Variants in CERT1 observed in about 807,000 individuals in gnomAD.
CERT1 encodes the protein ceramide transfer protein.
CERT1 carries 31 observed loss-of-function variants against 87.9 expected under a neutral mutation model. The observed-to-expected ratio is 0.35, with a 90% CI of 0.27 to 0.48. The LOEUF is 0.48. Among genes scored for constraint, CERT1 ranks in the 20% least tolerant of loss-of-function variants. CERT1 has a pLI of 0.99. For missense variants in CERT1, 487 were observed against 758.0 expected, an observed-to-expected ratio of 0.64 and a Z score of 4.20; for synonymous variants, 289 against 250.9, an observed-to-expected ratio of 1.15 and a Z score of -1.44.
At chr5:75,408,460 A>T (rs953912651) in intron 8 of CERT1, among the ~76,000 whole-genome samples, 2 of 152,168 alleles carry the variant, frequency 1.3e-5, no homozygotes, top group Admixed American at 6.5e-5. Context: ...GTTCATCTGC[A>T]TCTCGTTATT....
intron 2 of CERT1, among the ~76,000 whole-genome samples, chr5:75,490,483 C>T (rs956998809): frequency 1.3e-5 from 2 of 149,878 alleles, no homozygotes; most frequent in Admixed American, 6.7e-5. Context: ...TTCTTCAACA[C>T]CTGTACGAAA....
In CERT1 at chr5:75,379,154, C is replaced by A; in HGVS notation, c.*192G>T. On this transcript the variant is annotated 3_prime_UTR_variant, in exon 17 of 17. Transcript: ENST00000643780. ...CCGTGATGGTGTCATTGCACTTCAG[C>A]TTAGGAAACAGAGCAAGACCCTGTT... The A allele has an allele frequency of 1.9e-6, 1 of 536,148 alleles. No individual in the cohort carries two copies. The highest frequency in any genetic ancestry group is 3.1e-5 in the East Asian group (1 of 31,900). The allele number at this position is 536,148 out of a possible 1,614,324, so 33.2% of individuals were successfully genotyped here. A position where few individuals can be genotyped will look rare whatever the true frequency, so the allele number is the denominator to read the frequency against.
At chr5:75,503,106 ATT>A (rs916899511) in intron 2 of CERT1, among the ~76,000 whole-genome samples, 3 of 152,032 alleles carry the variant, frequency 2.0e-5, no homozygotes, top group African/African-American at 7.2e-5. Context: ...GATAAAGAAT[ATT>A]GTTTTTATAA....
intron 3 of CERT1, among the ~76,000 whole-genome samples, chr5:75,450,006 C>T (rs1353095462): frequency 6.6e-6 from 1 of 152,180 alleles, no homozygotes; most frequent in Non-Finnish European, 1.5e-5. Flanking sequence ...TATCTTCTTT[C>T]TTCACTACTC....
chr5:75,379,446 G>A lies in CERT1; in HGVS notation c.1775C>T (p.Ser592Leu). 6.2e-7 allele frequency: 1 copy of A among 1,613,876 alleles called. No individual in the cohort carries two copies. Residue 592 changes from serine (S) to leucine (L), a missense_variant, in exon 17 of 17, where the codon TCA (serine) becomes TTA (leucine). Coordinates refer to ENST00000643780, the MANE Select transcript of CERT1 (RefSeq NM_001379029.1). ...NVNPGGWAPA[S>L]VLRAVAKREY... ...TCGCTTTGCCACTGCCCTTAACACT[G>A]AGGCTGGTGCCCATCCTCCAGGGTT...
intron 3 of CERT1, among the ~76,000 whole-genome samples, chr5:75,428,655 G>A (rs1390110884): frequency 3.5e-4 from 52 of 150,480 alleles, no homozygotes; most frequent in Admixed American, 3.3e-3. Flanking sequence ...TCTGACATGG[G>A]TGAAAGAGCG....
chr5:75,436,007 G>C (rs1160753619), intron 3 of CERT1, among the ~76,000 whole-genome samples: 5 of 152,108 alleles, frequency 3.3e-5, no homozygotes, highest in Non-Finnish European at 7.4e-5. Flanking sequence ...ATGCCAGCTG[G>C]GGCAGCGGCA....
upstream of CERT1, chr5:75,511,801 G>C: frequency 6.4e-7 from 1 of 1,551,562 alleles, no homozygotes; most frequent in Non-Finnish European, 8.7e-7. Flanking sequence ...AGCAGGAGGA[G>C]CGGAGAAAGG....
intron 2 of CERT1, among the ~76,000 whole-genome samples, chr5:75,466,477 T>C (rs1408769229): frequency 6.6e-6 from 1 of 152,202 alleles, no homozygotes; most frequent in African/African-American, 2.4e-5. Context: ...ACACGAGCTA[T>C]AATCCCCCTT....
intron 3 of CERT1, among the ~76,000 whole-genome samples, chr5:75,450,696 C>G (rs1382007086): frequency 1.3e-5 from 2 of 152,194 alleles, no homozygotes; most frequent in Admixed American, 1.3e-4. Context: ...CTTATCTTAA[C>G]CCAGCCACTT....
chr5:75,426,548 A>G lies in CERT1; in HGVS notation c.349-70T>C, dbSNP rs1763628051. 2.8e-6 allele frequency: 3 copies of G among 1,089,008 alleles called. No individual in the cohort carries two copies. The African/African-American group carries it at 4.7e-5, about 17-fold the overall frequency. 67.5% of individuals were successfully genotyped at this position (1,089,008 alleles called of 1,614,324 possible). ...TACTTGAGAAAACAAAAGGTTTCCT[A>G]TGAATTAACAAGGTTATTATAACAA... On this transcript the variant is annotated intron_variant, in intron 3 of 16. Transcript: ENST00000643780.
downstream of CERT1, chr5:75,377,442 C>T (rs931436353): frequency 6.6e-6 from 1 of 152,228 alleles, no homozygotes; most frequent in Non-Finnish European, 1.5e-5. Context: ...AATTATGACA[C>T]TGCTCTGGCA....
intron 2 of CERT1, among the ~76,000 whole-genome samples, chr5:75,478,780 C>A (rs1387478079): frequency 6.6e-6 from 1 of 151,910 alleles, no homozygotes; most frequent in Non-Finnish European, 1.5e-5. Context: ...CTCTCACCCT[C>A]TACCCCCTAT....
At chr5:75,380,023 G>A (rs1761499526) in intron 16 of CERT1, among the ~76,000 whole-genome samples, 1 of 152,112 alleles carries the variant, frequency 6.6e-6, no homozygotes, top group Non-Finnish European at 1.5e-5. Flanking sequence ...AATTAGTATA[G>A]CACCACTTAA....
intron 3 of CERT1, among the ~76,000 whole-genome samples, chr5:75,431,252 C>T (rs1429683060): frequency 6.6e-6 from 1 of 152,130 alleles, no homozygotes; most frequent in Admixed American, 6.5e-5. Flanking sequence ...TCTATTGTTT[C>T]CCTCTTTGTG....
intron 3 of CERT1, among the ~76,000 whole-genome samples, chr5:75,434,828 T>C (rs918011313): frequency 1.3e-5 from 2 of 152,072 alleles, no homozygotes; most frequent in African/African-American, 4.8e-5. Context: ...GTGGGATGAG[T>C]GGTAATGTCA....
At chr5:75,458,743 G>T (rs1440999960) in intron 3 of CERT1, among the ~76,000 whole-genome samples, 1 of 152,056 alleles carries the variant, frequency 6.6e-6, no homozygotes, top group African/African-American at 2.4e-5. Context: ...GTAGAAAAGG[G>T]ATTTCACCAT....
intron 1 of CERT1, among the ~76,000 whole-genome samples, chr5:75,506,320 CAAT>C (rs1767649514): frequency 6.6e-6 from 1 of 152,124 alleles, no homozygotes; most frequent in Non-Finnish European, 1.5e-5. Flanking sequence ...GTAATTTTTA[CAAT>C]ATTATAAATA....
chr5:75,481,941 TG>T (rs1386239249), intron 2 of CERT1, among the ~76,000 whole-genome samples: 1 of 152,196 alleles, frequency 6.6e-6, no homozygotes, highest in Admixed American at 6.5e-5. Flanking sequence ...TACAAAATAA[TG>T]GGATGTCAGA....
Sources: allele counts gnomAD v4.1 joint callset (sites outside exome capture counted in the v4.1 genomes callset), GRCh38; gene constraint gnomAD v4.1.1; transcripts MANE v1.5; gene names NCBI Gene and HGNC (gene_info 2026-07-23, HGNC 2026-07-21).